DTD1: variants seen among roughly 807,000 people sequenced by gnomAD.
The protein encoded by DTD1 is D-aminoacyl-tRNA deacylase 1.
DTD1 carries 13 observed loss-of-function variants against 25.6 expected under a neutral mutation model. The observed-to-expected ratio is 0.51, with a 90% CI of 0.33 to 0.81. DTD1 has a LOEUF of 0.81. Among genes scored for constraint, DTD1 ranks in the 30% least tolerant of loss-of-function variants. The pLI, the probability that DTD1 is intolerant of heterozygous loss-of-function variation, is 0.02. For missense variants in DTD1, 193 were observed against 266.4 expected (o/e 0.72, Z 1.92); for synonymous variants, 110 against 103.6 (o/e 1.06, Z -0.37).
In DTD1 at chr20:18,635,656, G is replaced by C. The variant is rs530547870; in HGVS notation, c.477+7423G>C. Among the ~76,000 whole-genome samples, 250 of 152,286 alleles carry C rather than the reference G, an allele frequency of 1.6e-3. 1 individual carries two copies. Among genetic ancestry groups the C allele is most frequent in the Non-Finnish European group, 3.1e-3 (208 of 68,020 alleles). The stretch of plus-strand genomic sequence containing the variant: ...CATGAATATTTGGTATGAAAGGGTG[G>C]GAGCTTAGTAGATGTTTTTCTTCCT... On this transcript the variant is annotated intron_variant, in intron 4 of 5. Transcript: ENST00000377452.
intron 4 of DTD1, among the ~76,000 whole-genome samples, chr20:18,653,946 A>C (rs1171206357): frequency 6.6e-6 from 1 of 152,262 alleles, no homozygotes; most frequent in Non-Finnish European, 1.5e-5. Context: ...GTTCAAGGTC[A>C]TGTGACATGG....
intron 4 of DTD1, among the ~76,000 whole-genome samples, chr20:18,718,811 T>C (rs1311470144): frequency 6.6e-6 from 1 of 152,212 alleles, no homozygotes; most frequent in Non-Finnish European, 1.5e-5. Context: ...GGAGAACTTA[T>C]TTTATGTTCC....
intron 5 of DTD1, among the ~76,000 whole-genome samples, chr20:18,759,668 T>G (rs1023356083): frequency 1.3e-5 from 2 of 152,198 alleles, no homozygotes; most frequent in African/African-American, 4.8e-5. Context: ...GCCCTTAACA[T>G]TTTTTCCTTC....
At chr20:18,640,341 A>G (rs1474844465) in intron 4 of DTD1, among the ~76,000 whole-genome samples, 1 of 152,148 alleles carries the variant, frequency 6.6e-6, no homozygotes, top group African/African-American at 2.4e-5. Flanking sequence ...ACATAAAATC[A>G]GTATTCTTTT....
intron 4 of DTD1, among the ~76,000 whole-genome samples, chr20:18,735,986 T>G (rs1267150319): frequency 6.6e-6 from 1 of 152,166 alleles, no homozygotes; most frequent in Non-Finnish European, 1.5e-5. Flanking sequence ...GTGTATCTTA[T>G]GTGTGGCCCA....
At chr20:18,588,137 C>T in intron 1 of DTD1, 22 bp downstream of exon 1, 1 of 1,259,596 alleles carries the variant, frequency 7.9e-7, no homozygotes, top group Non-Finnish European at 1.0e-6. Flanking sequence ...GGGGCCGGGC[C>T]CGGGAGGAGC....
chr20:18,756,079 G>A (rs2061338094), intron 5 of DTD1, among the ~76,000 whole-genome samples: 1 of 151,918 alleles, frequency 6.6e-6, no homozygotes, highest in Non-Finnish European at 1.5e-5. Context: ...CTTTTGAGAA[G>A]TGTCTGTTCA....
chr20:18,661,663 A>G (rs756633158), intron 4 of DTD1, among the ~76,000 whole-genome samples: 36 of 152,218 alleles, frequency 2.4e-4, no homozygotes, highest in South Asian at 1.5e-3. Flanking sequence ...GAGCCACTGC[A>G]CCCAGCTGAG....
chr20:18,629,058 G>A (rs1241729264), intron 4 of DTD1, among the ~76,000 whole-genome samples: 3 of 139,584 alleles, frequency 2.1e-5, no homozygotes, highest in Non-Finnish European at 4.5e-5. Flanking sequence ...GCACAATGGC[G>A]CCATCTTGGC....
Position 18,591,102 on chromosome 20 carries a change from A to AT in DTD1, c.44-2623dup, listed in dbSNP as rs1359986557. Among the ~76,000 whole-genome samples the AT allele has an allele frequency of 2.0e-5, 3 of 151,982 alleles. No individual in the cohort carries two copies. The East Asian group carries it at 5.8e-4, about 29-fold the overall frequency. The stretch of plus-strand genomic sequence containing the variant: ...TTTTGTTCAAAGTGGTGATTCTCAG[A>AT]TTTTTTCCCTTGGTGATCCATTTAC... On this transcript the variant is annotated intron_variant, in intron 1 of 5. Coordinates refer to ENST00000377452, the MANE Select transcript of DTD1 (RefSeq NM_080820.6).
At chr20:18,636,904 AC>A (rs2060809683) in intron 4 of DTD1, among the ~76,000 whole-genome samples, 1 of 152,186 alleles carries the variant, frequency 6.6e-6, no homozygotes, top group Non-Finnish European at 1.5e-5. Context: ...GCATCAAGCC[AC>A]CCATGGTGCT....
At position 18,765,199 on chromosome 20, in the gene DTD1, G is replaced by C. The variant is rs74569158; in HGVS notation, c.*1859G>C. On this transcript the variant is annotated 3_prime_UTR_variant, in exon 6 of 6. Transcript: ENST00000377452. ...AGGAAGAGCTGAAGGAGCTGGGGCTGTTTCATCTGGGAGGGGAACTCTAAA... is the reference window on the plus strand; with the variant it reads ...AGGAAGAGCTGAAGGAGCTGGGGCTCTTTCATCTGGGAGGGGAACTCTAAA... 1.3e-5 allele frequency: 2 copies of C among 152,322 alleles called. No homozygotes were observed. The highest frequency in any genetic ancestry group is 2.9e-5 in the Non-Finnish European group (2 of 68,124). 9.4% of individuals were successfully genotyped at this position (152,322 alleles called of 1,614,324 possible).
rs1334578109 is a variant in DTD1, at chr20:18,708,359, TA to T, written c.478-35740del. Among the ~76,000 whole-genome samples, 4 of 74,010 alleles carry T rather than the reference TA, an allele frequency of 5.4e-5. 1 individual carries two copies. Among genetic ancestry groups the T allele is most frequent in the African/African-American group, 9.8e-5 (2 of 20,410 alleles). The allele number at this position is 74,010 out of a possible 152,430, so 48.6% of individuals were successfully genotyped here. On this transcript the variant is annotated intron_variant, in intron 4 of 5. Coordinates refer to ENST00000377452, the MANE Select transcript of DTD1 (RefSeq NM_080820.6). Reference sequence around the variant, plus strand: ...TTTATATATATATTATATATCTATATATATATTTTTTTTTGATACAAAGTCT... The same window carrying T: ...TTTATATATATATTATATATCTATATTATATTTTTTTTTGATACAAAGTCT...
In DTD1 at chr20:18,751,143, A is replaced by G. The variant is rs190759468; in HGVS notation, c.*19+6872A>G. Among the ~76,000 whole-genome samples the G allele has an allele frequency of 3.3e-5, 5 of 152,110 alleles. No homozygotes were observed. In the East Asian group the frequency reaches 9.7e-4, roughly 29 times the overall value. ...CCCTTTTCACTGTTCTTTTCGCCAT[A>G]CAAGGTAGGACTCCTTTCATTCTCT... On this transcript the variant is annotated intron_variant, in intron 5 of 5. Coordinates refer to ENST00000377452, the MANE Select transcript of DTD1 (RefSeq NM_080820.6).
rs1055229859 is a variant in DTD1 at position 18,737,055 on chromosome 20, C to T, written c.478-7045C>T. 4.6e-5 allele frequency among the ~76,000 whole-genome samples: 7 copies of T among 152,322 alleles called. No homozygotes were observed. In the East Asian group the frequency reaches 1.4e-3, roughly 29 times the overall value. ...TGATGATGATTTTCACTGGTGTTGC[C>T]TCAACTCCTCTGCCACTCCCGACAA... On this transcript the variant is annotated intron_variant, in intron 4 of 5. Transcript: ENST00000377452.
chr20:18,668,462 A>G (rs79326168), intron 4 of DTD1, among the ~76,000 whole-genome samples: 3,548 of 152,282 alleles, frequency 0.023, 83 homozygotes, highest in African/African-American at 0.047. Context: ...ATGGCAGCTG[A>G]ATCCTGCCAC....
At chr20:18,619,577 G>A (rs756678560) in intron 3 of DTD1, among the ~76,000 whole-genome samples, 3 of 151,878 alleles carry the variant, frequency 2.0e-5, no homozygotes, top group East Asian at 1.9e-4. Context: ...GGTGCACACC[G>A]CCACGCCTGG....
In DTD1 at chr20:18,596,029, G is replaced by A. The variant is rs761352624; in HGVS notation, c.158G>A (p.Arg53His). The A allele has an allele frequency of 4.7e-5, 76 of 1,614,006 alleles. No homozygotes were observed. Among genetic ancestry groups the A allele is most frequent in the Non-Finnish European group, 5.7e-5 (67 of 1,180,032 alleles). Reference protein sequence around the residue: ...EHMVRKILNLRVFEDESGKHW... With the variant: ...EHMVRKILNLHVFEDESGKHW... ...AGGGTCCGAAAGATTCTAAACCTGC[G>A]TGTATTTGAGGATGAGAGTGGGAAG... The change falls in exon 3 of 6, where the codon CGT becomes CAT. Residue 53 changes from arginine (R) to histidine (H), a missense_variant. By Grantham distance (29) the Arg-to-His change is conservative. Transcript: ENST00000377452.
At chr20:18,612,180 G>A (rs2060689790) in intron 3 of DTD1, among the ~76,000 whole-genome samples, 1 of 151,122 alleles carries the variant, frequency 6.6e-6, no homozygotes, top group Non-Finnish European at 1.5e-5. Context: ...GACTACAGGT[G>A]CCCGCCACTA....
Sources: allele counts gnomAD v4.1 joint callset (sites outside exome capture counted in the v4.1 genomes callset), GRCh38; gene constraint gnomAD v4.1.1; transcripts MANE v1.5; gene names NCBI Gene and HGNC (gene_info 2026-07-23, HGNC 2026-07-21).